Variants in RHOJ observed in about 807,000 individuals in gnomAD.
RHOJ encodes the protein ras homolog family member J.
A neutral mutation model predicts 23.4 loss-of-function variants in RHOJ; 11 were observed. That is an observed-to-expected ratio of 0.47 (90% CI 0.30 to 0.78). The LOEUF is 0.78. RHOJ is among the 30% of genes least tolerant of loss of function. RHOJ has a pLI of 0.08. For missense variants in RHOJ, 254 were observed against 273.4 expected (o/e 0.93, Z 0.50); for synonymous variants, 102 against 102.7 (o/e 0.99, Z 0.04).
chr14:63,225,514 A>G (rs1460682619), intron 1 of RHOJ, among the ~76,000 whole-genome samples: 1 of 152,236 alleles, frequency 6.6e-6, no homozygotes, highest in Non-Finnish European at 1.5e-5. Context: ...TTACTTCTGT[A>G]AAATAATATC....
intron 1 of RHOJ, among the ~76,000 whole-genome samples, chr14:63,219,540 G>A (rs754859637): frequency 7.2e-5 from 11 of 152,116 alleles, no homozygotes; most frequent in South Asian, 2.1e-4. Context: ...TTTTCTGGCC[G>A]GGCGTGGTGG....
At chr14:63,288,388 G>A (rs1882150973) in intron 4 of RHOJ, 12 of 955,938 alleles carry the variant, frequency 1.3e-5, no homozygotes, top group Non-Finnish European at 1.5e-5. Context: ...GATCCTTAGT[G>A]GAGAGGTATT....
intron 2 of RHOJ, among the ~76,000 whole-genome samples, chr14:63,276,220 C>CG (rs1375760784): frequency 2.0e-5 from 3 of 150,482 alleles, no homozygotes; most frequent in Admixed American, 6.6e-5. Context: ...TGGGGGGGGG[C>CG]GGGGGCTGCG....
rs1882280431 is a variant in RHOJ at position 63,292,395 on chromosome 14, A to G, written c.*1371A>G. ...CCAATGATGTAAAACAATTCCAAAC[A>G]TCCAGGAATTTTTGTATCATAGAGC... On this transcript the variant is annotated 3_prime_UTR_variant, in exon 5 of 5. Transcript: ENST00000316754. 1 of 152,146 alleles carries G rather than the reference A, an allele frequency of 6.6e-6. No individual in the cohort carries two copies. The highest frequency in any genetic ancestry group is 2.4e-5 in the African/African-American group (1 of 41,448). The allele number at this position is 152,146 out of a possible 1,614,324, so 9.4% of individuals were successfully genotyped here. A position where few individuals can be genotyped will look rare whatever the true frequency, so the allele number is the denominator to read the frequency against.
chr14:63,232,537 C>T (rs1894713160), intron 1 of RHOJ, among the ~76,000 whole-genome samples: 1 of 152,146 alleles, frequency 6.6e-6, no homozygotes, highest in Non-Finnish European at 1.5e-5. Flanking sequence ...CTCTTCACTG[C>T]ACAGTCTATA....
intron 2 of RHOJ, among the ~76,000 whole-genome samples, chr14:63,280,631 T>C (rs569582888): frequency 1.3e-5 from 2 of 152,300 alleles, no homozygotes; most frequent in South Asian, 4.1e-4. Flanking sequence ...AACACCATGT[T>C]GTACACCTTA....
At chr14:63,205,124 C>A in intron 1 of RHOJ, 77 bp downstream of exon 1, 1 of 1,482,986 alleles carries the variant, frequency 6.7e-7, no homozygotes, top group Non-Finnish European at 9.2e-7. Flanking sequence ...AGGGGCCTGG[C>A]TCATTTCTAA....
At chr14:63,244,405 A>G (rs1277823314) in intron 1 of RHOJ, among the ~76,000 whole-genome samples, 1 of 132,738 alleles carries the variant, frequency 7.5e-6, no homozygotes, top group East Asian at 2.9e-4. Context: ...CATCTCTACT[A>G]AAAATACAAA....
chr14:63,219,860 T>A (rs2139736022), intron 1 of RHOJ, among the ~76,000 whole-genome samples: 1 of 151,738 alleles, frequency 6.6e-6, no homozygotes, highest in Admixed American at 6.6e-5. Flanking sequence ...CTGTAGTATC[T>A]CTGTCTGGTG....
At chr14:63,255,854 TC>T (rs1895154700) in intron 1 of RHOJ, among the ~76,000 whole-genome samples, 2 of 147,208 alleles carry the variant, frequency 1.4e-5, no homozygotes, top group Non-Finnish European at 3.0e-5. Context: ...GGCACCTTTA[TC>T]CTTTTTTTTT....
chr14:63,248,027 C>T (rs776452491), intron 1 of RHOJ, among the ~76,000 whole-genome samples: 13 of 152,114 alleles, frequency 8.5e-5, no homozygotes, highest in Non-Finnish European at 1.3e-4. Context: ...CCCCATAAAT[C>T]AATTATCACC....
chr14:63,227,535 G>C (rs1311500364), intron 1 of RHOJ, among the ~76,000 whole-genome samples: 1 of 151,966 alleles, frequency 6.6e-6, no homozygotes, highest in African/African-American at 2.4e-5. Context: ...AAACAAACTG[G>C]AATAGCCAAG....
chr14:63,220,332 A>C, intron 1 of RHOJ, among the ~76,000 whole-genome samples: 1 of 151,920 alleles, frequency 6.6e-6, no homozygotes, highest in Non-Finnish European at 1.5e-5. Context: ...CTCTTTTCTC[A>C]TTATAATATC....
At chr14:63,231,520 GT>G (rs1894694955) in intron 1 of RHOJ, among the ~76,000 whole-genome samples, 1 of 152,200 alleles carries the variant, frequency 6.6e-6, no homozygotes, top group Non-Finnish European at 1.5e-5. Flanking sequence ...GTATAGCCAT[GT>G]TAGGAATGGA....
intron 3 of RHOJ, 97 bp downstream of exon 3, chr14:63,281,232 AGT>A: frequency 8.5e-7 from 1 of 1,175,844 alleles, no homozygotes; most frequent in Admixed American, 2.7e-5. Flanking sequence ...ACGCTATGGA[AGT>A]GTGTCTCAGA....
At chr14:63,285,145 G>C (rs1319052587) in intron 4 of RHOJ, among the ~76,000 whole-genome samples, 1 of 152,140 alleles carries the variant, frequency 6.6e-6, no homozygotes, top group African/African-American at 2.4e-5. Flanking sequence ...AATGTGCTAG[G>C]CTTGGTGCCA....
chr14:63,245,780 G>T (rs1894966132), intron 1 of RHOJ, among the ~76,000 whole-genome samples: 1 of 152,146 alleles, frequency 6.6e-6, no homozygotes, highest in South Asian at 2.1e-4. Context: ...CTGGGACACT[G>T]CAAAAATCCT....
chr14:63,279,433 ACTGT>A (rs961409794), intron 2 of RHOJ, among the ~76,000 whole-genome samples: 2 of 152,258 alleles, frequency 1.3e-5, no homozygotes, highest in African/African-American at 2.4e-5. Context: ...ACACAAAGTT[ACTGT>A]CTGTTTATGT....
At position 63,283,117 on chromosome 14, in the gene RHOJ, C is replaced by A; in HGVS notation, c.403-4C>A. The A allele has an allele frequency of 6.2e-7, 1 of 1,611,372 alleles. No homozygotes were observed. The highest frequency in any genetic ancestry group is 8.5e-7 in the Non-Finnish European group (1 of 1,177,640). ...ATAAGTTTTCACGTGTGTTTTCTTG[C>A]CAGATTGATCTCCGTGATGACCCAA... On this transcript the variant is annotated splice_region_variant and splice_polypyrimidine_tract_variant and intron_variant, in intron 3 of 4. Coordinates refer to ENST00000316754, the MANE Select transcript of RHOJ (RefSeq NM_020663.5).
Sources: gnomAD v4.1 joint callset for allele counts (sites outside exome capture counted in the v4.1 genomes callset) on GRCh38, gnomAD v4.1.1 for gene constraint, MANE v1.5 for transcripts, NCBI Gene and HGNC (gene_info 2026-07-23, HGNC 2026-07-21) for gene names.